The following SEL1L3 variants were observed in gnomAD, a reference collection of about 807,000 sequenced individuals.
SEL1L3 encodes the protein protein sel-1 homolog 3.
A neutral mutation model predicts 142.8 loss-of-function variants in SEL1L3; 76 were observed. That is an observed-to-expected ratio of 0.53 (90% confidence interval 0.44 to 0.64). The LOEUF is 0.64. Ranked by LOEUF, SEL1L3 falls within the 30% of genes least tolerant of loss-of-function variation. SEL1L3 has a pLI of 0.00. For synonymous variants in SEL1L3, 504 were observed against 519.6 expected (o/e 0.97, Z 0.41); for missense variants, 1,262 against 1,381.7 (o/e 0.91, Z 1.37).
chr4:25,810,146 G>A (rs1713920266), intron 9 of SEL1L3, among the ~76,000 whole-genome samples: 1 of 152,222 alleles, frequency 6.6e-6, no homozygotes, highest in Non-Finnish European at 1.5e-5. Context: ...GCAGACTTTG[G>A]ACTTCCTTTA....
intron 17 of SEL1L3, among the ~76,000 whole-genome samples, chr4:25,769,911 T>G (rs1055000078): frequency 6.6e-6 from 1 of 152,128 alleles, no homozygotes; most frequent in Non-Finnish European, 1.5e-5. Flanking sequence ...GAAGATCGCT[T>G]GAGCTCTGGA....
At chr4:25,851,685 T>C (rs1483626151) in intron 1 of SEL1L3, among the ~76,000 whole-genome samples, 1 of 151,644 alleles carries the variant, frequency 6.6e-6, no homozygotes, top group Non-Finnish European at 1.5e-5. Flanking sequence ...AGTCAAGAGA[T>C]CGAGACCATC....
At chr4:25,803,805 G>T (rs538118527) in intron 10 of SEL1L3, among the ~76,000 whole-genome samples, 46 of 151,548 alleles carry the variant, frequency 3.0e-4, no homozygotes, top group Non-Finnish European at 2.1e-4. Context: ...TGTTGTTTTG[G>T]TTTTTTTCCT....
At chr4:25,853,331 A>C (rs1005604039) in intron 1 of SEL1L3, among the ~76,000 whole-genome samples, 4 of 152,108 alleles carry the variant, frequency 2.6e-5, no homozygotes, top group African/African-American at 9.7e-5. Flanking sequence ...TTTCAAAAAA[A>C]CTCTCCATAT....
Position 25,802,455 on chromosome 4 carries a change from A to C in SEL1L3, c.1784T>G (p.Leu595Trp). ...NVPRDQLQGM[L>W]YSLVGGQGSE... ...CCCCTGGCCTCCAACCAAACTATAC[A>C]ACATGCCCTGTTAGGAAGAAATTGA... The change falls in exon 11 of 24, where the codon TTG becomes TGG. Residue 595 changes from leucine (L) to tryptophan (W), a missense_variant. By Grantham distance (61) the Leu-to-Trp change is moderately conservative. Around this residue, in one of 3 missense-constraint regions of SEL1L3, gnomAD observed 435 missense variants for 559.2 expected, o/e 0.78. Coordinates refer to ENST00000399878, the MANE Select transcript of SEL1L3 (RefSeq NM_015187.5). 6.2e-7 allele frequency: 1 copy of C among 1,611,190 alleles called. No homozygotes were observed. The highest frequency in any genetic ancestry group is 8.5e-7 in the Non-Finnish European group (1 of 1,178,242).
chr4:25,781,547 A>C (rs964521062), intron 15 of SEL1L3, among the ~76,000 whole-genome samples: 4 of 152,168 alleles, frequency 2.6e-5, no homozygotes, highest in Non-Finnish European at 4.4e-5. Context: ...CTGAGGCATG[A>C]GAATCGTTTT....
chr4:25,757,673 G>A lies in SEL1L3; in HGVS notation c.3186+15C>T, dbSNP rs1457872014. The A allele has an allele frequency of 1.9e-6, 3 of 1,576,280 alleles. No homozygotes were observed. Among genetic ancestry groups the A allele is most frequent in the South Asian group, 1.2e-5 (1 of 85,678 alleles). ...AGGGGCCACAAGGGTGGGGCCGGTG[G>A]GACATGAAACCTACCAGGGCTGAGT... On this transcript the variant is annotated intron_variant, in intron 22 of 23. Transcript: ENST00000399878.
chr4:25,821,886 C>A, intron 7 of SEL1L3, 110 bp downstream of exon 7: 1 of 1,079,964 alleles, frequency 9.3e-7, no homozygotes. Context: ...ATGACAGAGG[C>A]GATGCATGGT....
chr4:25,754,313 A>AAAATAAAT (rs1053355705), intron 23 of SEL1L3, among the ~76,000 whole-genome samples: 1 of 150,180 alleles, frequency 6.7e-6, no homozygotes, highest in Admixed American at 6.6e-5. Context: ...AAAAATATAT[A>AAAATAAAT]AAATAAATAA....
chr4:25,827,050 C>T (rs886717933), intron 6 of SEL1L3, among the ~76,000 whole-genome samples: 9 of 152,144 alleles, frequency 5.9e-5, no homozygotes, highest in African/African-American at 2.2e-4. Flanking sequence ...AGTCTTGATC[C>T]CTTGATCCTT....
chr4:25,783,351 C>T (rs113453485), intron 14 of SEL1L3, among the ~76,000 whole-genome samples: 2 of 152,306 alleles, frequency 1.3e-5, no homozygotes, highest in African/African-American at 4.8e-5. Context: ...TCTCTCATTC[C>T]ATGCTACAAC....
Position 25,860,409 on chromosome 4 carries a change from C to T in SEL1L3, c.162+2266G>A, listed in dbSNP as rs539682261. Reference sequence around the variant, plus strand: ...ATTGAGCAAAATGCACACAATTATACATTTGCGTTTTCTCTCTATTGTTTT... The same window carrying T: ...ATTGAGCAAAATGCACACAATTATATATTTGCGTTTTCTCTCTATTGTTTT... On this transcript the variant is annotated intron_variant, in intron 1 of 23. Coordinates refer to ENST00000399878, the MANE Select transcript of SEL1L3 (RefSeq NM_015187.5). Among the ~76,000 whole-genome samples the T allele has an allele frequency of 2.0e-5, 3 of 152,322 alleles. No individual in the cohort carries two copies. The East Asian group carries it at 5.8e-4, about 29-fold the overall frequency.
chr4:25,768,777 A>G (rs528563747), intron 17 of SEL1L3, among the ~76,000 whole-genome samples: 6 of 152,352 alleles, frequency 3.9e-5, no homozygotes, highest in African/African-American at 1.2e-4. Context: ...ATTCAAAAAC[A>G]TAGCAAAATA....
chr4:25,734,083 G>A, the SEL1L3 span, among the ~76,000 whole-genome samples: 2 of 152,242 alleles, frequency 1.3e-5, no homozygotes, highest in African/African-American at 4.8e-5. Flanking sequence ...GAGTGCAATG[G>A]CGTGATCTTG....
intron 2 of SEL1L3, among the ~76,000 whole-genome samples, chr4:25,837,577 G>T (rs963882853): frequency 6.6e-6 from 1 of 151,852 alleles, no homozygotes; most frequent in African/African-American, 2.4e-5. Context: ...CATACCGTTT[G>T]TACCCAACAA....
Position 25,835,295 on chromosome 4 carries a change from A to AT in SEL1L3, c.761dup (p.Tyr254Ter). Residue 254 changes from tyrosine to a stop codon, truncating the protein, a stop_gained and frameshift_variant, in exon 3 of 24, where the codon TAT (tyrosine) becomes TAAT (stop). Coordinates refer to ENST00000399878, the MANE Select transcript of SEL1L3 (RefSeq NM_015187.5). LOFTEE classifies it high-confidence loss of function. ...NDVVALLGFP[Y>*]ASSGENTGIV... ...TGCCTGTGTTTTCTCCACTGGAGGC[A>AT]TAAGGAAAGCCAAGCAGGGCAACCA... The AT allele has an allele frequency of 6.2e-7, 1 of 1,614,034 alleles. No individual in the cohort carries two copies. Among genetic ancestry groups the AT allele is most frequent in the Non-Finnish European group, 8.5e-7 (1 of 1,179,880 alleles).
chr4:25,783,824 C>A (rs10020414), intron 14 of SEL1L3, among the ~76,000 whole-genome samples: 32,086 of 152,060 alleles, frequency 0.21, 3,562 homozygotes, highest in Middle Eastern at 0.27. Flanking sequence ...AAATGGGAAA[C>A]GGGCACCACA....
intron 9 of SEL1L3, among the ~76,000 whole-genome samples, chr4:25,808,212 T>G (rs1429958100): frequency 6.6e-6 from 1 of 152,160 alleles, no homozygotes; most frequent in East Asian, 1.9e-4. Context: ...TTTATGGAGA[T>G]TAATGGTTTA....
At position 25,756,158 on chromosome 4, in the gene SEL1L3, A is replaced by G. The variant is rs1039424888; in HGVS notation, c.3259+1376T>C. On this transcript the variant is annotated intron_variant, in intron 23 of 23. Transcript: ENST00000399878. ...GAAATAACAGCTACGCAAATGCTCCAATGCCATGTCCAGTCCTAATCTACC... is the reference window on the plus strand; with the variant it reads ...GAAATAACAGCTACGCAAATGCTCCGATGCCATGTCCAGTCCTAATCTACC... 7.1e-6 allele frequency: 7 copies of G among 985,292 alleles called. No individual in the cohort carries two copies. The South Asian group carries it at 1.4e-4, about 20-fold the overall frequency. The allele number at this position is 985,292 out of a possible 1,614,324, so 61.0% of individuals were successfully genotyped here. A position where few individuals can be genotyped will look rare whatever the true frequency, so the allele number is the denominator to read the frequency against.
Sources: allele counts gnomAD v4.1 joint callset (sites outside exome capture counted in the v4.1 genomes callset), GRCh38; gene constraint gnomAD v4.1.1; regional missense constraint gnomAD v4.1.1; transcripts MANE v1.5; gene names NCBI Gene and HGNC (gene_info 2026-07-23, HGNC 2026-07-21).